The following MAL variants were observed in gnomAD, a reference collection of about 807,000 sequenced individuals.
The protein encoded by MAL is myelin and lymphocyte protein.
MAL carries 5 observed loss-of-function variants against 16.7 expected under a neutral mutation model. The observed-to-expected ratio is 0.30, with a 90% CI of 0.16 to 0.63. MAL has a LOEUF of 0.63. MAL is among the 30% of genes least tolerant of loss of function. The pLI is 0.82. For missense variants in MAL, 202 were observed against 195.8 expected (o/e 1.03, Z -0.19); for synonymous variants, 96 against 85.5 (o/e 1.12, Z -0.67).
intron 1 of MAL, among the ~76,000 whole-genome samples, chr2:95,039,405 T>G: frequency 6.8e-6 from 1 of 147,622 alleles, no homozygotes; most frequent in African/African-American, 2.5e-5. Flanking sequence ...AGTGACTGAG[T>G]GAATGGGTGA....
chr2:95,037,720 C>CTGAGTGAGTGAG (rs1674275694), intron 1 of MAL, among the ~76,000 whole-genome samples: 1 of 93,854 alleles, frequency 1.1e-5, no homozygotes, highest in Non-Finnish European at 2.3e-5. Flanking sequence ...GAGTGAGTGA[C>CTGAGTGAGTGAG]TGAGTCAGTG....
At chr2:95,038,632 C>CTGAGTGACTGAGTGAG (rs1674330832) in intron 1 of MAL, among the ~76,000 whole-genome samples, 1 of 79,520 alleles carries the variant, frequency 1.3e-5, no homozygotes, top group Non-Finnish European at 2.6e-5. Context: ...GAGTGAGTGA[C>CTGAGTGACTGAGTGAG]TGAGTGACTG....
At chr2:95,052,810 C>T (rs1394714420) in intron 3 of MAL, among the ~76,000 whole-genome samples, 1 of 152,186 alleles carries the variant, frequency 6.6e-6, no homozygotes, top group Non-Finnish European at 1.5e-5. Context: ...AATCCCTTCT[C>T]CCCTTCTCTG....
intron 1 of MAL, among the ~76,000 whole-genome samples, chr2:95,040,053 G>A (rs1026248556): frequency 2.6e-5 from 4 of 151,970 alleles, no homozygotes; most frequent in African/African-American, 9.7e-5. Flanking sequence ...AACTTCATCC[G>A]GGCATCAAAG....
chr2:95,031,739 G>C (rs1390666960), intron 1 of MAL, among the ~76,000 whole-genome samples: 1 of 152,224 alleles, frequency 6.6e-6, no homozygotes, highest in Non-Finnish European at 1.5e-5. Context: ...TTCTCTGACT[G>C]TGTCCACTGG....
chr2:95,053,158 C>T (rs778371556), intron 3 of MAL: 1 of 482,134 alleles, frequency 2.1e-6, no homozygotes, highest in Non-Finnish European at 3.7e-6. Context: ...ACCTTCCACA[C>T]CAGATCCAGG....
At chr2:95,032,773 A>G (rs563220038) in intron 1 of MAL, among the ~76,000 whole-genome samples, 2 of 152,278 alleles carry the variant, frequency 1.3e-5, no homozygotes, top group South Asian at 4.1e-4. Context: ...GGGCATGAGC[A>G]GTGTAGCCAT....
In MAL at chr2:95,032,682, G is replaced by A. The variant is rs138130505; in HGVS notation, c.93+6797G>A. Among the ~76,000 whole-genome samples the A allele has an allele frequency of 1.4e-3, 213 of 152,268 alleles. 1 individual carries two copies. The highest frequency in any genetic ancestry group is 5.0e-3 in the African/African-American group (209 of 41,562). On this transcript the variant is annotated intron_variant, in intron 1 of 3. Coordinates refer to ENST00000309988, the MANE Select transcript of MAL (RefSeq NM_002371.4). Reference sequence around the variant, plus strand: ...GCATGGAGCATGGAGCAGGTCCCTCGTGGTCTCTCATCAATTTGGAAGGCT... The same window carrying A: ...GCATGGAGCATGGAGCAGGTCCCTCATGGTCTCTCATCAATTTGGAAGGCT...
At chr2:95,031,484 G>C (rs543961409) in intron 1 of MAL, among the ~76,000 whole-genome samples, 9 of 152,362 alleles carry the variant, frequency 5.9e-5, no homozygotes, top group African/African-American at 2.2e-4. Context: ...GCTGAGACTT[G>C]GAGCGGACAT....
intron 3 of MAL, chr2:95,052,906 GT>G (rs1211534924): frequency 6.4e-6 from 1 of 156,034 alleles, no homozygotes; most frequent in Non-Finnish European, 1.4e-5. Flanking sequence ...GGGTGAGAAT[GT>G]CCAGGCAGCA....
chr2:95,049,480 G>GT, intron 2 of MAL, 101 bp from the exon 3 acceptor site: 1 of 1,475,540 alleles, frequency 6.8e-7, no homozygotes, highest in Non-Finnish European at 9.3e-7. Flanking sequence ...TTCAAAGGAA[G>GT]TGGGGGGAGA....
At position 95,052,883 on chromosome 2, in the gene MAL, C is replaced by G. The variant is rs145207470; in HGVS notation, c.388-498C>G. 2.2e-4 allele frequency among the ~76,000 whole-genome samples: 34 copies of G among 152,246 alleles called. 2 individuals are homozygous for G. The East Asian group carries it at 6.6e-3, about 30-fold the overall frequency. ...ACCTGTGATATTAAGAATCCTAAAA[C>G]AAAATAATGATAGGGTGAGAATGTC... On this transcript the variant is annotated intron_variant, in intron 3 of 3. Coordinates refer to ENST00000309988, the MANE Select transcript of MAL (RefSeq NM_002371.4).
intron 1 of MAL, among the ~76,000 whole-genome samples, chr2:95,041,578 C>T (rs1325201384): frequency 3.3e-5 from 5 of 152,298 alleles, no homozygotes; most frequent in African/African-American, 1.2e-4. Context: ...GTCACAACTA[C>T]TGTTATCACT....
At chr2:95,039,169 T>C (rs1030800987) in intron 1 of MAL, among the ~76,000 whole-genome samples, 5 of 149,664 alleles carry the variant, frequency 3.3e-5, no homozygotes, top group African/African-American at 1.2e-4. Flanking sequence ...AATGGGTGAG[T>C]GAGTGACTTG....
Position 95,053,662 on chromosome 2 carries a change from C to T in MAL, c.*207C>T. On this transcript the variant is annotated 3_prime_UTR_variant, in exon 4 of 4. Coordinates refer to ENST00000309988, the MANE Select transcript of MAL (RefSeq NM_002371.4). ...TGTGCCTTCGCGTCCGGGTTGGGAG[C>T]TTGCTGTGTCTAACCTCCAACTGCT... The T allele has an allele frequency of 1.7e-6, 1 of 578,396 alleles. No homozygotes were observed. Among genetic ancestry groups the T allele is most frequent in the Middle Eastern group, 4.6e-4 (1 of 2,180 alleles). 35.8% of individuals were successfully genotyped at this position (578,396 alleles called of 1,614,324 possible). A position where few individuals can be genotyped will look rare whatever the true frequency, so the allele number is the denominator to read the frequency against.
At chr2:95,050,339 T>C (rs1389784967) in intron 3 of MAL, among the ~76,000 whole-genome samples, 2 of 152,270 alleles carry the variant, frequency 1.3e-5, no homozygotes, top group East Asian at 3.8e-4. Flanking sequence ...TTTTCAGAGC[T>C]GTGCATGTGT....
intron 1 of MAL, among the ~76,000 whole-genome samples, chr2:95,042,736 A>T (rs1674498938): frequency 6.6e-6 from 1 of 152,180 alleles, no homozygotes. Context: ...TTGCACTGCC[A>T]CCTGGAGGCT....
intron 1 of MAL, among the ~76,000 whole-genome samples, chr2:95,031,335 G>A (rs1264481570): frequency 1.3e-5 from 2 of 152,160 alleles, no homozygotes; most frequent in Admixed American, 6.5e-5. Context: ...CAACAGGAAT[G>A]AAGGGACAGC....
At chr2:95,046,409 G>C (rs987976086) in intron 1 of MAL, among the ~76,000 whole-genome samples, 1 of 152,330 alleles carries the variant, frequency 6.6e-6, no homozygotes, top group Non-Finnish European at 1.5e-5. Context: ...CTTACTGGGT[G>C]GGGGTGGCGC....
Sources: gnomAD v4.1 joint callset for allele counts (sites outside exome capture counted in the v4.1 genomes callset) on GRCh38, gnomAD v4.1.1 for gene constraint, MANE v1.5 for transcripts, NCBI Gene and HGNC (gene_info 2026-07-23, HGNC 2026-07-21) for gene names.